Variants in VPS50 observed in about 807,000 individuals in gnomAD.
VPS50 encodes the protein VPS50 subunit of EARP/GARPII complex, also known as syndetin.
VPS50 carries 70 observed loss-of-function variants against 139.7 expected under a neutral mutation model. The ratio of observed to expected loss-of-function variants is 0.50; its 90% CI spans 0.41 to 0.61. VPS50 has a LOEUF of 0.61. VPS50 is among the 20% of genes least tolerant of loss of function. The probability of loss-of-function intolerance (pLI) is 0.00; values close to 1 mark genes in which losing one functional copy is unlikely to be tolerated. For missense variants in VPS50, 921 were observed against 1,133.7 expected, an observed-to-expected ratio of 0.81 and a Z score of 2.69; for synonymous variants, 365 against 376.7, an observed-to-expected ratio of 0.97 and a Z score of 0.36.
intron 12 of VPS50, 101 bp downstream of exon 12, chr7:93,276,406 T>C (rs1230470084): frequency 1.5e-6 from 2 of 1,363,002 alleles, no homozygotes; most frequent in African/African-American, 3.0e-5. Context: ...GCTACTAAAA[T>C]AAAAATAAAT....
intron 2 of VPS50, among the ~76,000 whole-genome samples, chr7:93,243,972 T>A (rs1292439427): frequency 6.6e-6 from 1 of 151,854 alleles, no homozygotes; most frequent in Non-Finnish European, 1.5e-5. Flanking sequence ...CTCATAGTAT[T>A]CTTTAATGAT....
intron 21 of VPS50, among the ~76,000 whole-genome samples, chr7:93,330,758 T>A (rs921841665): frequency 4.0e-5 from 1 of 24,742 alleles, no homozygotes; most frequent in Non-Finnish European, 5.9e-5. Context: ...CGAGACCCTG[T>A]CTCAAAAAAA....
intron 17 of VPS50, among the ~76,000 whole-genome samples, chr7:93,305,263 G>C (rs1275228549): frequency 6.6e-6 from 1 of 151,806 alleles, no homozygotes; most frequent in African/African-American, 2.4e-5. Context: ...CTTTAGCTTA[G>C]CTAGGAGTAG....
intron 2 of VPS50, among the ~76,000 whole-genome samples, chr7:93,247,216 A>T (rs1795182360): frequency 6.6e-6 from 1 of 151,798 alleles, no homozygotes; most frequent in African/African-American, 2.4e-5. Flanking sequence ...AATATTGAAT[A>T]TTTTTGCCTG....
chr7:93,352,497 T>A (rs1002634537), intron 25 of VPS50, among the ~76,000 whole-genome samples: 11 of 152,182 alleles, frequency 7.2e-5, no homozygotes, highest in Admixed American at 1.3e-4. Context: ...CAGATTAGAT[T>A]TTTTCTCCTG....
chr7:93,235,006 AG>A (rs1464273217), intron 1 of VPS50, among the ~76,000 whole-genome samples: 1 of 152,216 alleles, frequency 6.6e-6, no homozygotes, highest in Non-Finnish European at 1.5e-5. Flanking sequence ...AAAAGAGGAT[AG>A]AAAGTCCTGG....
intron 12 of VPS50, among the ~76,000 whole-genome samples, chr7:93,282,387 T>C (rs967651631): frequency 1.3e-5 from 2 of 152,210 alleles, no homozygotes; most frequent in African/African-American, 4.8e-5. Flanking sequence ...TAAATATTCT[T>C]AAAGCTAAAT....
intron 12 of VPS50, among the ~76,000 whole-genome samples, chr7:93,287,145 G>T (rs1386565896): frequency 1.3e-5 from 2 of 151,818 alleles, no homozygotes; most frequent in Non-Finnish European, 2.9e-5. Context: ...CTGGTGCTGC[G>T]TGTATCATAG....
At chr7:93,263,229 A>G (rs576069962) in intron 9 of VPS50, among the ~76,000 whole-genome samples, 128 of 152,312 alleles carry the variant, frequency 8.4e-4, no homozygotes, top group Non-Finnish European at 1.4e-3. Context: ...TTGCTTGGAC[A>G]TGAGTGAATT....
chr7:93,284,722 A>T (rs1390239156), intron 12 of VPS50, among the ~76,000 whole-genome samples: 1 of 152,116 alleles, frequency 6.6e-6, no homozygotes, highest in Admixed American at 6.5e-5. Context: ...CTTCAGAGGG[A>T]CTCTAGGAGA....
rs952340596 is a variant in VPS50, at chr7:93,272,992, T to C, written c.801+259T>C. On this transcript the variant is annotated intron_variant, in intron 11 of 27. Coordinates refer to ENST00000305866, the MANE Select transcript of VPS50 (RefSeq NM_017667.4). ...TATTTTCACAATTTTATGTAGATTT[T>C]CCAATAAGTATATTATAAGATAATT... 1.0e-4 allele frequency: 22 copies of C among 214,336 alleles called. 1 individual carries two copies. The highest frequency in any genetic ancestry group is 3.6e-4 in the Admixed American group (6 of 16,900). The allele number at this position is 214,336 out of a possible 1,614,324, so 13.3% of individuals were successfully genotyped here. A position where few individuals can be genotyped will look rare whatever the true frequency, so the allele number is the denominator to read the frequency against.
rs1227617930 is a variant in VPS50, at chr7:93,271,156, GTATT to G, written c.660-57_660-54del. 7.2e-6 allele frequency: 11 copies of G among 1,520,868 alleles called. No individual in the cohort carries two copies. The East Asian group carries it at 9.9e-5, about 14-fold the overall frequency. 94.2% of individuals were successfully genotyped at this position (1,520,868 alleles called of 1,614,324 possible). On this transcript the variant is annotated intron_variant, in intron 9 of 27. Coordinates refer to ENST00000305866, the MANE Select transcript of VPS50 (RefSeq NM_017667.4). ...TATGGATTAATTATTCAGTTAGTAT[GTATT>G]TATTTAGCACTTAGTTTGTCTCAGA...
chr7:93,348,852 G>A, intron 24 of VPS50, 45 bp downstream of exon 24: 2 of 1,247,082 alleles, frequency 1.6e-6, no homozygotes, highest in Non-Finnish European at 2.3e-6. Flanking sequence ...AGGAAGATAG[G>A]ACTGTCACAG....
In VPS50 at chr7:93,360,310, C is replaced by T. The variant is rs1304875263; in HGVS notation, c.*1874C>T. The stretch of plus-strand genomic sequence containing the variant: ...AGAATTACTTATCTTGTTAGAGACT[C>T]GACCATGCAATCTGACAGACCTTTT... On this transcript the variant is annotated 3_prime_UTR_variant, in exon 28 of 28. Transcript: ENST00000305866. The T allele has an allele frequency of 2.6e-5, 4 of 151,808 alleles. No individual in the cohort carries two copies. Among genetic ancestry groups the T allele is most frequent in the African/African-American group, 4.8e-5 (2 of 41,312 alleles). 9.4% of individuals were successfully genotyped at this position (151,808 alleles called of 1,614,324 possible).
chr7:93,326,447 T>G (rs1797778611), intron 21 of VPS50, among the ~76,000 whole-genome samples: 1 of 117,456 alleles, frequency 8.5e-6, no homozygotes, highest in Admixed American at 9.4e-5. Context: ...TAAAGTATAA[T>G]AATAATAAAA....
chr7:93,280,064 C>G (rs962374207), intron 12 of VPS50, among the ~76,000 whole-genome samples: 1 of 152,118 alleles, frequency 6.6e-6, no homozygotes, highest in African/African-American at 2.4e-5. Context: ...GTATACAGAA[C>G]CTCAAGTTCT....
chr7:93,325,998 G>T (rs932794840), intron 21 of VPS50, among the ~76,000 whole-genome samples: 1 of 151,696 alleles, frequency 6.6e-6, no homozygotes, highest in African/African-American at 2.4e-5. Flanking sequence ...ACATGCACAC[G>T]TATGTTTATT....
At chr7:93,333,819 A>G (rs1340535841) in intron 21 of VPS50, 1 of 336,584 alleles carries the variant, frequency 3.0e-6, no homozygotes, top group Non-Finnish European at 5.5e-6. Flanking sequence ...TAAAATCTCA[A>G]GTTTTGCAAC....
intron 1 of VPS50, among the ~76,000 whole-genome samples, chr7:93,238,078 A>C (rs1231780064): frequency 6.6e-6 from 1 of 152,214 alleles, no homozygotes; most frequent in African/African-American, 2.4e-5. Context: ...GGTGGTCATG[A>C]TTTTGAATCA....
Sources: gnomAD v4.1 joint callset for allele counts (sites outside exome capture counted in the v4.1 genomes callset) on GRCh38, gnomAD v4.1.1 for gene constraint, MANE v1.5 for transcripts, NCBI Gene and HGNC (gene_info 2026-07-23, HGNC 2026-07-21) for gene names.